Variants in PXT1 observed in about 807,000 individuals in gnomAD.
PXT1 encodes peroxisomal testis-specific protein 1.
Under a neutral mutation model 11.0 loss-of-function variants are expected in PXT1, and 11 were observed. The ratio of observed to expected loss-of-function variants is 1.00; its 90% CI spans 0.63 to 1.66. The LOEUF is 1.66. PXT1 is among the 40% of genes most tolerant of loss of function. The pLI, the probability that PXT1 is intolerant of heterozygous loss-of-function variation, is 0.00. For missense variants in PXT1, 141 were observed against 155.5 expected (o/e 0.91, Z 0.49); for synonymous variants, 43 against 51.4 (o/e 0.84, Z 0.70).
At chr6:36,412,641 A>G (rs1774390880) in intron 3 of PXT1, among the ~76,000 whole-genome samples, 1 of 138,152 alleles carries the variant, frequency 7.2e-6, no homozygotes, top group African/African-American at 2.8e-5. Flanking sequence ...GCCTGGCAAG[A>G]GAGCAAGACT....
chr6:36,413,421 AAAAT>A (rs1289218724), intron 3 of PXT1, among the ~76,000 whole-genome samples: 1 of 117,602 alleles, frequency 8.5e-6, no homozygotes, highest in Non-Finnish European at 2.1e-5. Flanking sequence ...CATCTCAAAA[AAAAT>A]AAGAAAGAAA....
intron 3 of PXT1, among the ~76,000 whole-genome samples, chr6:36,418,387 G>C (rs1186103589): frequency 6.6e-6 from 1 of 152,100 alleles, no homozygotes. Flanking sequence ...GGATGGGGTG[G>C]AGGTGAAAAG....
chr6:36,439,056 T>G (rs1002771283), intron 1 of PXT1, among the ~76,000 whole-genome samples, 170 bp from the exon 2 acceptor site: 51 of 151,750 alleles, frequency 3.4e-4, no homozygotes, highest in African/African-American at 1.2e-3. Flanking sequence ...GTTGGAGCAG[T>G]GGTGCGATCC....
chr6:36,438,031 G>A (rs1459991231), intron 2 of PXT1, among the ~76,000 whole-genome samples: 1 of 150,848 alleles, frequency 6.6e-6, no homozygotes, highest in East Asian at 2.0e-4. Flanking sequence ...TGTTGATCAG[G>A]CTGGTCTCGA....
At chr6:36,404,203 G>A (rs1774254837) in intron 3 of PXT1, among the ~76,000 whole-genome samples, 1 of 152,186 alleles carries the variant, frequency 6.6e-6, no homozygotes, top group Non-Finnish European at 1.5e-5. Flanking sequence ...CTTTTAAAAT[G>A]TATTAATGGG....
intron 2 of PXT1, among the ~76,000 whole-genome samples, chr6:36,435,583 C>A (rs370702020): frequency 6.6e-6 from 1 of 152,030 alleles, no homozygotes; most frequent in South Asian, 2.1e-4. Flanking sequence ...AAGAAACAAA[C>A]AAATGCAAGA....
intron 4 of PXT1, among the ~76,000 whole-genome samples, chr6:36,399,684 C>T (rs1268509862): frequency 2.6e-5 from 4 of 152,086 alleles, no homozygotes; most frequent in African/African-American, 7.2e-5. Context: ...TCTGCCACCC[C>T]GTCTGTCACA....
chr6:36,419,252 C>T (rs1331225472), intron 3 of PXT1, among the ~76,000 whole-genome samples: 1 of 152,114 alleles, frequency 6.6e-6, no homozygotes, highest in African/African-American at 2.4e-5. Flanking sequence ...CCTGCCTGTG[C>T]CAATCAAAAG....
chr6:36,396,603 G>T (rs1374382516), intron 4 of PXT1, among the ~76,000 whole-genome samples: 1 of 152,322 alleles, frequency 6.6e-6, no homozygotes, highest in East Asian at 1.9e-4. Context: ...CCTAAAGGCT[G>T]GGGGCTAGGC....
At chr6:36,431,795 G>A (rs1433837049) in intron 2 of PXT1, among the ~76,000 whole-genome samples, 1 of 151,972 alleles carries the variant, frequency 6.6e-6, no homozygotes, top group East Asian at 1.9e-4. Context: ...TCTAAACCAG[G>A]CGTGGTGGCT....
intron 3 of PXT1, among the ~76,000 whole-genome samples, chr6:36,419,507 T>C (rs1452818378): frequency 1.3e-5 from 2 of 152,080 alleles, no homozygotes; most frequent in Non-Finnish European, 2.9e-5. Context: ...AAGCAGTGAG[T>C]ACGCCAAAAG....
chr6:36,399,869 C>A (rs796679592), intron 4 of PXT1, among the ~76,000 whole-genome samples: 6 of 152,284 alleles, frequency 3.9e-5, no homozygotes, highest in African/African-American at 1.4e-4. Flanking sequence ...AGGGTAGGGC[C>A]TGCATCCTAC....
chr6:36,433,157 CA>C (rs753172423), intron 2 of PXT1, among the ~76,000 whole-genome samples: 18 of 151,876 alleles, frequency 1.2e-4, no homozygotes, highest in Middle Eastern at 3.4e-3. Context: ...ATGGAGGAAT[CA>C]GGGGGGAAAA....
intron 1 of PXT1, 105 bp from the exon 2 acceptor site, chr6:36,438,991 T>A (rs1774814525): frequency 6.6e-6 from 1 of 151,658 alleles, no homozygotes; most frequent in South Asian, 2.1e-4. Context: ...CTGTGGTGGC[T>A]CAGTGGGTTA....
intron 3 of PXT1, among the ~76,000 whole-genome samples, chr6:36,403,685 T>G (rs1400905126): frequency 1.3e-5 from 2 of 152,144 alleles, no homozygotes; most frequent in African/African-American, 4.8e-5. Flanking sequence ...CTGGGCAACA[T>G]GGCAGAACCC....
At chr6:36,418,632 A>C (rs1774484000) in intron 3 of PXT1, among the ~76,000 whole-genome samples, 1 of 152,244 alleles carries the variant, frequency 6.6e-6, no homozygotes, top group Non-Finnish European at 1.5e-5. Context: ...AGTGAGAACC[A>C]CTTCTGCTGA....
At chr6:36,421,663 T>C (rs1443804784) in intron 3 of PXT1, among the ~76,000 whole-genome samples, 1 of 152,210 alleles carries the variant, frequency 6.6e-6, no homozygotes, top group Admixed American at 6.5e-5. Flanking sequence ...AGAGAGTGTG[T>C]TTTGCTACAT....
intron 2 of PXT1, among the ~76,000 whole-genome samples, chr6:36,428,746 CT>C (rs59081249): frequency 0.32 from 47,037 of 146,312 alleles, 8,223 homozygotes; most frequent in East Asian, 0.52. Flanking sequence ...TCATCTAAAA[CT>C]TTTTTTTTTT....
At chr6:36,425,413 G>C (rs1350490284) in intron 3 of PXT1, among the ~76,000 whole-genome samples, 1 of 152,152 alleles carries the variant, frequency 6.6e-6, no homozygotes, top group African/African-American at 2.4e-5. Flanking sequence ...TTAGTACCAT[G>C]AAGCAAAGTC....
Sources: allele counts gnomAD v4.1 joint callset (sites outside exome capture counted in the v4.1 genomes callset), GRCh38; gene constraint gnomAD v4.1.1; transcripts MANE v1.5; gene names NCBI Gene and HGNC (gene_info 2026-07-23, HGNC 2026-07-21).